MYLK: variants seen among roughly 807,000 people sequenced by gnomAD.
MYLK encodes myosin light chain kinase, smooth muscle.
In MYLK, 106 loss-of-function variants were observed where a neutral mutation model predicts 203.4. The ratio of observed to expected loss-of-function variants is 0.52; its 90% confidence interval spans 0.45 to 0.61. The LOEUF is 0.61. Among genes scored for constraint, MYLK ranks in the 20% least tolerant of loss-of-function variants. The pLI, the probability that MYLK is intolerant of heterozygous loss-of-function variation, is 0.00. For missense variants in MYLK, 2,072 were observed against 2,442.3 expected (o/e 0.85, Z 3.20); for synonymous variants, 867 against 959.5 (o/e 0.90, Z 1.78).
chr3:123,630,112 A>G (rs1446356689), intron 29 of MYLK, among the ~76,000 whole-genome samples: 1 of 152,082 alleles, frequency 6.6e-6, no homozygotes, highest in Non-Finnish European at 1.5e-5. Context: ...CAAATAAGAG[A>G]GGCTCAGCAA....
chr3:123,831,201 C>T (rs2066313549), intron 3 of MYLK, among the ~76,000 whole-genome samples: 10 of 152,192 alleles, frequency 6.6e-5, no homozygotes, highest in Admixed American at 6.5e-4. Flanking sequence ...AGTTTTCAGC[C>T]AGCTTGGAAG....
Position 123,737,459 on chromosome 3 carries a change from G to T in MYLK, c.673C>A (p.Gln225Lys), listed in dbSNP as rs148174313. 30 of 1,614,042 alleles carry T rather than the reference G, an allele frequency of 1.9e-5. No individual in the cohort carries two copies. Among genetic ancestry groups the T allele is most frequent in the Non-Finnish European group, 2.3e-5 (27 of 1,180,046 alleles). The change falls in exon 8 of 34, where the codon CAA (glutamine) becomes AAA (lysine). Residue 225 changes from glutamine (Q) to lysine (K), a missense_variant. By Grantham distance (53) the Gln-to-Lys change is moderately conservative. Coordinates refer to ENST00000360304, the MANE Select transcript of MYLK (RefSeq NM_053025.4). ...MQVLEIHGVN[Q>K]DDVGVYTCLV... ...CACGTGTACACTCCCACGTCATCTT[G>T]GTTGACTCCATGGATTTCCAGAACC...
At chr3:123,683,732 C>A (rs1314413320) in intron 19 of MYLK, among the ~76,000 whole-genome samples, 1 of 152,252 alleles carries the variant, frequency 6.6e-6, no homozygotes, top group East Asian at 1.9e-4. Flanking sequence ...TGGGGGCAAT[C>A]CCCCACCAAA....
At chr3:123,798,057 C>T (rs949080410) in intron 3 of MYLK, among the ~76,000 whole-genome samples, 3 of 152,208 alleles carry the variant, frequency 2.0e-5, no homozygotes, top group African/African-American at 7.2e-5. Flanking sequence ...CTTCCCGCAG[C>T]ACCTTTGTGT....
At chr3:123,773,507 C>A (rs2063955158) in intron 4 of MYLK, among the ~76,000 whole-genome samples, 1 of 152,166 alleles carries the variant, frequency 6.6e-6, no homozygotes, top group South Asian at 2.1e-4. Context: ...CTGGCAGTGA[C>A]TAAATGTCCC....
At chr3:123,647,536 T>C in intron 26 of MYLK, 109 bp from the exon 27 acceptor site, 2 of 921,714 alleles carry the variant, frequency 2.2e-6, no homozygotes, top group Non-Finnish European at 3.5e-6. Context: ...CCTCCTTTTA[T>C]AAGTAAGGTG....
At chr3:123,876,389 C>G (rs939004711) in intron 2 of MYLK, among the ~76,000 whole-genome samples, 170 bp downstream of exon 2, 1 of 151,938 alleles carries the variant, frequency 6.6e-6, no homozygotes, top group Non-Finnish European at 1.5e-5. Context: ...GATGAAAAAA[C>G]TGGTATGCAA....
intron 19 of MYLK, among the ~76,000 whole-genome samples, chr3:123,688,918 G>A (rs2060562477): frequency 6.6e-6 from 1 of 152,212 alleles, no homozygotes; most frequent in Non-Finnish European, 1.5e-5. Context: ...ATTACCTGAG[G>A]ATATGACACA....
intron 2 of MYLK, among the ~76,000 whole-genome samples, chr3:123,863,197 GAAATCT>G (rs2032060955): frequency 6.6e-6 from 1 of 152,080 alleles, no homozygotes; most frequent in African/African-American, 2.4e-5. Flanking sequence ...GGGCAAAAAA[GAAATCT>G]TGATCCCTAC....
rs561789885 is a variant in MYLK at position 123,754,476 on chromosome 3, G to A, written c.166-1938C>T. 2.6e-5 allele frequency among the ~76,000 whole-genome samples: 4 copies of A among 152,298 alleles called. No individual in the cohort carries two copies. The South Asian group carries it at 8.3e-4, about 32-fold the overall frequency. On this transcript the variant is annotated intron_variant, in intron 4 of 33. Transcript: ENST00000360304. ...ACTCATGACAGAGATTGAGTACTTT[G>A]GAGGAAATGCTGAGACTCTGGAGTG... is the stretch of plus-strand genomic sequence containing the variant.
At chr3:123,781,491 T>G (rs1277161750) in intron 4 of MYLK, among the ~76,000 whole-genome samples, 1 of 152,170 alleles carries the variant, frequency 6.6e-6, no homozygotes, top group East Asian at 1.9e-4. Flanking sequence ...CCCCAAGTGC[T>G]GACAAATGGG....
At chr3:123,647,537 A>C in intron 26 of MYLK, 110 bp from the exon 27 acceptor site, 1 of 914,016 alleles carries the variant, frequency 1.1e-6, no homozygotes, top group African/African-American at 1.6e-5. Context: ...CTCCTTTTAT[A>C]AGTAAGGTGT....
chr3:123,818,989 G>A (rs1226546401), intron 3 of MYLK, among the ~76,000 whole-genome samples: 1 of 152,048 alleles, frequency 6.6e-6, no homozygotes, highest in Non-Finnish European at 1.5e-5. Flanking sequence ...CTTCCTTACC[G>A]ATAAAACAAC....
chr3:123,687,579 C>G (rs2060499307), intron 19 of MYLK, among the ~76,000 whole-genome samples: 1 of 151,996 alleles, frequency 6.6e-6, no homozygotes, highest in South Asian at 2.1e-4. Flanking sequence ...ACCCTTCCTT[C>G]CTTCCTTTCT....
At chr3:123,650,272 C>A (rs368458730) in intron 24 of MYLK, among the ~76,000 whole-genome samples, 3 of 152,326 alleles carry the variant, frequency 2.0e-5, no homozygotes, top group South Asian at 4.1e-4. Flanking sequence ...CACGCTTCGT[C>A]ATGTGCTGTG....
chr3:123,817,292 A>G (rs2109272526), intron 3 of MYLK, among the ~76,000 whole-genome samples: 1 of 152,316 alleles, frequency 6.6e-6, no homozygotes, highest in South Asian at 2.1e-4. Context: ...AGATGTCCAC[A>G]GAGTAATTAA....
At chr3:123,676,698 A>G (rs1192801718) in intron 20 of MYLK, among the ~76,000 whole-genome samples, 1 of 152,274 alleles carries the variant, frequency 6.6e-6, no homozygotes, top group East Asian at 1.9e-4. Context: ...TGGCAGAACC[A>G]CAGTGGAGGC....
At chr3:123,709,072 G>C (rs1229888899) in intron 14 of MYLK, 177 bp from the exon 15 acceptor site, 11 of 560,130 alleles carry the variant, frequency 2.0e-5, no homozygotes, top group Non-Finnish European at 2.8e-5. Context: ...TTGTTGGGAG[G>C]ACCTTAAAAT....
chr3:123,804,378 C>A (rs1276528109), intron 3 of MYLK, among the ~76,000 whole-genome samples: 1 of 152,032 alleles, frequency 6.6e-6, no homozygotes, highest in Non-Finnish European at 1.5e-5. Context: ...TAAAAAGGGT[C>A]ACCTCTCTGT....
Sources: allele counts gnomAD v4.1 joint callset (sites outside exome capture counted in the v4.1 genomes callset), GRCh38; gene constraint gnomAD v4.1.1; transcripts MANE v1.5; gene names NCBI Gene and HGNC (gene_info 2026-07-23, HGNC 2026-07-21).